Variants in SHB observed in about 807,000 individuals in gnomAD.
SHB encodes SH2 domain containing adaptor protein B, also known as SH2 domain-containing adapter protein B.
Under a neutral mutation model 52.3 loss-of-function variants are expected in SHB, and 20 were observed. The ratio of observed to expected loss-of-function variants is 0.38; its 90% CI spans 0.27 to 0.56. The LOEUF (loss-of-function observed/expected upper bound fraction) is 0.56. Ranked by LOEUF, SHB falls within the 20% of genes least tolerant of loss-of-function variation. The probability of loss-of-function intolerance (pLI) is 0.71; values close to 1 mark genes in which losing one functional copy is unlikely to be tolerated. For synonymous variants in SHB, 397 were observed against 316.5 expected (o/e 1.25, Z -2.70); for missense variants, 825 against 723.3 (o/e 1.14, Z -1.61).
chr9:37,962,091 C>A (rs918570652), intron 3 of SHB, among the ~76,000 whole-genome samples: 1 of 152,190 alleles, frequency 6.6e-6, no homozygotes, highest in Admixed American at 6.5e-5. Context: ...CTTCTTTGAG[C>A]CTTAGCTGCC....
In SHB at chr9:38,017,016, C is replaced by T. The variant is rs116753275; in HGVS notation, c.718-885G>A. Among the ~76,000 whole-genome samples, 297 of 152,328 alleles carry T rather than the reference C, an allele frequency of 1.9e-3. 2 individuals are homozygous for T. The highest frequency in any genetic ancestry group is 6.8e-3 in the African/African-American group (283 of 41,580). On this transcript the variant is annotated intron_variant, in intron 1 of 5. Transcript: ENST00000377707. ...GGGATTCTAACACTTCAGAGACCAC[C>T]GTTCCACGTTTTCCCTGGAGAAGAG...
Position 37,919,749 on chromosome 9 carries a change from G to A in SHB, c.*72C>T. On this transcript the variant is annotated 3_prime_UTR_variant, in exon 6 of 6. Transcript: ENST00000377707. ...CGACACAGCCAGCAACAGTGGCTGG[G>A]CTGGTTGGTGGGGGGCCTCTGGCAC... The A allele has an allele frequency of 8.3e-7, 1 of 1,210,288 alleles. No homozygotes were observed. The highest frequency in any genetic ancestry group is 1.3e-5 in the South Asian group (1 of 77,822). 75.0% of individuals were successfully genotyped at this position (1,210,288 alleles called of 1,614,324 possible).
chr9:38,046,002 G>A (rs12338916), intron 1 of SHB, among the ~76,000 whole-genome samples: 10,570 of 152,016 alleles, frequency 0.07, 1,197 homozygotes, highest in African/African-American at 0.23. Context: ...AGAGGAGGGC[G>A]GATCACCTGA....
intron 1 of SHB, among the ~76,000 whole-genome samples, chr9:38,058,752 C>A (rs1821853151): frequency 6.6e-6 from 1 of 152,140 alleles, no homozygotes; most frequent in Admixed American, 6.5e-5. Context: ...TAGATCTCTG[C>A]ATTGCTCCCT....
chr9:38,051,698 C>T (rs568936731), intron 1 of SHB, among the ~76,000 whole-genome samples: 9 of 152,144 alleles, frequency 5.9e-5, no homozygotes, highest in African/African-American at 1.4e-4. Context: ...CACAGAAGCC[C>T]GGCAAGCAGG....
chr9:37,999,643 A>G (rs1042225324), intron 2 of SHB, among the ~76,000 whole-genome samples: 1 of 152,088 alleles, frequency 6.6e-6, no homozygotes, highest in Non-Finnish European at 1.5e-5. Flanking sequence ...GGGACAAACA[A>G]AGGCAGCCGA....
At position 37,948,762 on chromosome 9, in the gene SHB, G is replaced by A. The variant is rs1832524217; in HGVS notation, c.1227-8C>T. On this transcript the variant is annotated splice_region_variant and splice_polypyrimidine_tract_variant and intron_variant, in intron 4 of 5. Coordinates refer to ENST00000377707, the MANE Select transcript of SHB (RefSeq NM_003028.3). ...ATGGCTCCGTGATACCATCTGTGGA[G>A]AGGGCAGAGAGTGGTCAGAGCCCAG... 4 of 1,613,578 alleles carry A rather than the reference G, an allele frequency of 2.5e-6. No homozygotes were observed. Among genetic ancestry groups the A allele is most frequent in the Non-Finnish European group, 3.4e-6 (4 of 1,179,992 alleles).
intron 5 of SHB, among the ~76,000 whole-genome samples, 161 bp from the exon 6 acceptor site, chr9:37,920,165 A>G (rs1832160291): frequency 6.6e-6 from 1 of 152,124 alleles, no homozygotes; most frequent in Non-Finnish European, 1.5e-5. Context: ...GATGAAATGC[A>G]GCTGCACCCA....
At chr9:38,048,650 A>G (rs1342846660) in intron 1 of SHB, among the ~76,000 whole-genome samples, 1 of 152,166 alleles carries the variant, frequency 6.6e-6, no homozygotes, top group Non-Finnish European at 1.5e-5. Context: ...ATAATGATAA[A>G]TACACATACA....
intron 1 of SHB, among the ~76,000 whole-genome samples, chr9:38,062,411 T>C (rs1024552627): frequency 6.6e-5 from 10 of 152,172 alleles, no homozygotes; most frequent in Non-Finnish European, 1.2e-4. Context: ...CCTCTCTCCT[T>C]GAATTGTGGC....
At chr9:38,033,355 G>C (rs1821440899) in intron 1 of SHB, among the ~76,000 whole-genome samples, 1 of 152,174 alleles carries the variant, frequency 6.6e-6, no homozygotes, top group South Asian at 2.1e-4. Flanking sequence ...CCAATTCGGG[G>C]AGGGGGCCCT....
At chr9:37,952,796 C>A (rs377432165) in intron 4 of SHB, among the ~76,000 whole-genome samples, 2 of 151,816 alleles carry the variant, frequency 1.3e-5, no homozygotes, top group African/African-American at 4.8e-5. Flanking sequence ...TATGGAGGTG[C>A]GGAAGCTGGG....
intron 1 of SHB, among the ~76,000 whole-genome samples, chr9:38,038,434 G>C (rs10814648): frequency 0.59 from 89,103 of 151,928 alleles, 26,194 homozygotes; most frequent in Middle Eastern, 0.66. Flanking sequence ...TTACTAAGAA[G>C]CCCCACCTCC....
intron 5 of SHB, among the ~76,000 whole-genome samples, chr9:37,921,299 G>A (rs113207217): frequency 6.6e-6 from 1 of 152,114 alleles, no homozygotes; most frequent in African/African-American, 2.4e-5. Flanking sequence ...CAGCCTTTCC[G>A]CTCCAGCTCC....
chr9:37,984,734 C>A (rs2244481), intron 2 of SHB, among the ~76,000 whole-genome samples: 1 of 151,890 alleles, frequency 6.6e-6, no homozygotes, highest in Non-Finnish European at 1.5e-5. Flanking sequence ...TTAGACACGC[C>A]GCAAAACCAG....
intron 5 of SHB, among the ~76,000 whole-genome samples, chr9:37,939,402 T>C (rs997630398): frequency 6.6e-6 from 1 of 152,228 alleles, no homozygotes; most frequent in Admixed American, 6.5e-5. Flanking sequence ...TTTCCTCTTC[T>C]GTAAAGTAGG....
At chr9:38,021,684 A>C in intron 1 of SHB, among the ~76,000 whole-genome samples, 1 of 152,028 alleles carries the variant, frequency 6.6e-6, no homozygotes, top group Non-Finnish European at 1.5e-5. Context: ...AAAAAAAAAA[A>C]AGAATGATGA....
intron 3 of SHB, among the ~76,000 whole-genome samples, chr9:37,962,569 C>T (rs1381641537): frequency 2.0e-5 from 3 of 151,528 alleles, no homozygotes; most frequent in South Asian, 2.1e-4. Context: ...TGCAGTAGCA[C>T]GATCATAGCT....
chr9:37,943,571 C>T (rs988088969), intron 5 of SHB, among the ~76,000 whole-genome samples: 1 of 152,198 alleles, frequency 6.6e-6, no homozygotes, highest in Admixed American at 6.5e-5. Flanking sequence ...TCCGTAAGGA[C>T]TGTATGCAGC....
Sources: gnomAD v4.1 joint callset for allele counts (sites outside exome capture counted in the v4.1 genomes callset) on GRCh38, gnomAD v4.1.1 for gene constraint, MANE v1.5 for transcripts, NCBI Gene and HGNC (gene_info 2026-07-23, HGNC 2026-07-21) for gene names.